Variants in PROSER3 observed in about 807,000 individuals in gnomAD.
The protein encoded by PROSER3 is proline and serine-rich protein 3.
PROSER3 carries 33 observed loss-of-function variants against 50.2 expected under a neutral mutation model. The ratio of observed to expected loss-of-function variants is 0.66; its 90% CI spans 0.50 to 0.88. The LOEUF is 0.88. Ranked by LOEUF, PROSER3 falls within the 40% of genes least tolerant of loss-of-function variation. The pLI is 0.00. For synonymous variants in PROSER3, 266 were observed against 259.3 expected (o/e 1.03, Z -0.25); for missense variants, 623 against 612.7 (o/e 1.02, Z -0.18).
intron 5 of PROSER3, among the ~76,000 whole-genome samples, chr19:35,763,798 G>A (rs544566099): frequency 2.1e-5 from 3 of 144,264 alleles, no homozygotes; most frequent in African/African-American, 5.4e-5. Flanking sequence ...GAGCCACCGC[G>A]CCCGGCCTTC....
chr19:35,760,468 GTGTTT>G (rs946873231), intron 3 of PROSER3, among the ~76,000 whole-genome samples: 2 of 152,068 alleles, frequency 1.3e-5, no homozygotes, highest in African/African-American at 4.8e-5. Context: ...TCTAAATTGG[GTGTTT>G]TGTTTTGTTT....
Position 35,767,071 on chromosome 19 carries a change from G to A in PROSER3, c.957+116G>A. On this transcript the variant is annotated intron_variant, in intron 8 of 10. Coordinates refer to ENST00000396908, the Ensembl canonical transcript of PROSER3. Reference sequence around the variant, plus strand: ...CTCAGATCTCTCTTATCTGTCTACAGACCTCTCCTGCTCCAGTGGAGACCC... The same window carrying A: ...CTCAGATCTCTCTTATCTGTCTACAAACCTCTCCTGCTCCAGTGGAGACCC... The A allele has an allele frequency of 1.6e-6, 2 of 1,286,600 alleles. No homozygotes were observed. The highest frequency in any genetic ancestry group is 2.1e-6 in the Non-Finnish European group (2 of 948,954). The allele number at this position is 1,286,600 out of a possible 1,614,324, so 79.7% of individuals were successfully genotyped here.
At chr19:35,765,171 C>T (rs1971102747) in exon 7 of PROSER3, 2 of 1,613,212 alleles carry the variant, frequency 1.2e-6, no homozygotes, top group East Asian at 2.2e-5. Flanking sequence ...GGCCCCAGGG[C>T]ACCCGGTAAG....
chr19:35,768,187 G>C (rs201580171), exon 10 of PROSER3: 156 of 1,613,426 alleles, frequency 9.7e-5, no homozygotes, highest in Middle Eastern at 1.6e-4. Context: ...GGACGATCCC[G>C]TGCTGCAGGT....
chr19:35,764,866 T>C (rs368133627), exon 6 of PROSER3: 8 of 1,613,512 alleles, frequency 5.0e-6, no homozygotes, highest in Non-Finnish European at 6.8e-6. Context: ...CCTCCACACA[T>C]GGAACTCATC....
At position 35,768,033 on chromosome 19, in the gene PROSER3, C is replaced by CCAGGCCGCCCTGCTTGT; in HGVS notation, c.1188_1189insAGGCCGCCCTGCTTGTC (p.Gln397ArgfsTer32). ...CACGCCCCCTCGGAGGCCCTGCTTGCCCAGGCCGCCCTGCTGCTGCAGGCT... is the reference window on the plus strand; with the variant it reads ...CACGCCCCCTCGGAGGCCCTGCTTGCCAGGCCGCCCTGCTTGTCCAGGCCGCCCTGCTGCTGCAGGCT... On this transcript the variant is annotated frameshift_variant, in exon 9 of 11. Coordinates refer to ENST00000396908, the Ensembl canonical transcript of PROSER3. LOFTEE classifies it high-confidence loss of function. The CCAGGCCGCCCTGCTTGT allele has an allele frequency of 1.3e-6, 2 of 1,581,020 alleles. No homozygotes were observed. Among genetic ancestry groups the CCAGGCCGCCCTGCTTGT allele is most frequent in the Non-Finnish European group, 1.7e-6 (2 of 1,165,112 alleles).
intron 1 of PROSER3, 88 bp downstream of exon 1, chr19:35,758,314 T>C: frequency 6.8e-7 from 1 of 1,460,194 alleles, no homozygotes; most frequent in Non-Finnish European, 9.1e-7. Flanking sequence ...CTGGATACGG[T>C]CTGGAGTCGC....
At chr19:35,758,442 G>T in intron 1 of PROSER3, 1 of 489,152 alleles carries the variant, frequency 2.0e-6, no homozygotes, top group Non-Finnish European at 3.5e-6. Flanking sequence ...CTCTCTGAGT[G>T]GGCCCCAAGG....
intron 8 of PROSER3, 50 bp from the exon 9 acceptor site, chr19:35,767,022 A>C (rs1190383393): frequency 7.2e-7 from 1 of 1,393,696 alleles, no homozygotes; most frequent in Non-Finnish European, 9.4e-7. Flanking sequence ...GGGACTGAGG[A>C]CCCTCCACCC....
exon 10 of PROSER3, chr19:35,768,213 G>A (rs768724988): frequency 1.2e-6 from 2 of 1,613,326 alleles, no homozygotes; most frequent in South Asian, 2.2e-5. Flanking sequence ...GAGCCCATAG[G>A]GCAGAGCTGA....
chr19:35,766,951 C>A (rs776874109), exon 8 of PROSER3: 1 of 1,549,208 alleles, frequency 6.5e-7, no homozygotes, highest in East Asian at 2.4e-5. Flanking sequence ...GCCCTCCGCA[C>A]GTTGGTGAGC....
At chr19:35,759,731 G>T in intron 2 of PROSER3, 58 bp from the exon 3 acceptor site, 2 of 1,455,786 alleles carry the variant, frequency 1.4e-6, no homozygotes, top group South Asian at 2.5e-5. Context: ...TGGTTCCCCT[G>T]CAGGGATGAC....
At chr19:35,763,876 C>T (rs1971050067) in intron 5 of PROSER3, among the ~76,000 whole-genome samples, 2 of 149,764 alleles carry the variant, frequency 1.3e-5, no homozygotes, top group Admixed American at 1.3e-4. Context: ...AATCATGGCT[C>T]ACTGCAGCCT....
At chr19:35,758,279 C>T in intron 1 of PROSER3, 53 bp downstream of exon 1, 1 of 1,548,594 alleles carries the variant, frequency 6.5e-7, no homozygotes, top group Non-Finnish European at 8.7e-7. Context: ...GGACCAACGG[C>T]GAGAGCAGCA....
At chr19:35,768,591 T>TTA (rs1971253957) in exon 11 of PROSER3, 2 of 1,516,444 alleles carry the variant, frequency 1.3e-6, no homozygotes, top group Non-Finnish European at 1.8e-6. Context: ...TTTTTTTTTT[T>TTA]CATACAGTTA....
intron 1 of PROSER3, 32 bp from the exon 2 acceptor site, chr19:35,759,342 C>T (rs1288257395): frequency 1.9e-6 from 3 of 1,590,460 alleles, no homozygotes; most frequent in African/African-American, 1.3e-5. Flanking sequence ...GGCGAAACCA[C>T]GTGCTGCCTG....
intron 1 of PROSER3, chr19:35,758,448 C>T: frequency 2.1e-6 from 1 of 481,276 alleles, no homozygotes; most frequent in Non-Finnish European, 3.6e-6. Context: ...GAGTGGGCCC[C>T]AAGGAATTAT....
At chr19:35,768,511 G>A (rs751274808) in exon 11 of PROSER3, 15 of 1,597,852 alleles carry the variant, frequency 9.4e-6, no homozygotes, top group Non-Finnish European at 1.2e-5. Context: ...CTGCTAAGAA[G>A]GGAAGGAGAT....
chr19:35,767,675 A>G, intron 8 of PROSER3: 1 of 1,209,152 alleles, frequency 8.3e-7, no homozygotes, highest in Non-Finnish European at 1.1e-6. Context: ...GTTCCCTGAC[A>G]GCCTGGAGGA....
Sources: gnomAD v4.1 joint callset for allele counts (sites outside exome capture counted in the v4.1 genomes callset) on GRCh38, gnomAD v4.1.1 for gene constraint, MANE v1.5 for transcripts, NCBI Gene and HGNC (gene_info 2026-07-23, HGNC 2026-07-21) for gene names.